The following ADRA1A variants were observed in gnomAD, a reference collection of about 807,000 sequenced individuals.
ADRA1A encodes adrenoceptor alpha 1A.
A neutral mutation model predicts 29.6 loss-of-function variants in ADRA1A; 31 were observed. That is an observed-to-expected ratio of 1.05 (90% CI 0.79 to 1.41). The LOEUF is 1.41. Ranked by LOEUF, ADRA1A falls within the 40% of genes most tolerant of loss-of-function variation. The probability of loss-of-function intolerance (pLI) is 0.00; values close to 1 mark genes in which losing one functional copy is unlikely to be tolerated. For synonymous variants in ADRA1A, 311 were observed against 254.3 expected (o/e 1.22, Z -2.12); for missense variants, 619 against 601.1 (o/e 1.03, Z -0.31).
chr8:26,765,109 G>A (rs1207126556), downstream of ADRA1A, among the ~76,000 whole-genome samples: 2 of 152,166 alleles, frequency 1.3e-5, no homozygotes, highest in African/African-American at 4.8e-5. Flanking sequence ...CAACCATCCT[G>A]CTTTAAGCGA....
At chr8:26,812,629 T>TTTTATTTATTTA (rs142175703) in intron 2 of ADRA1A, among the ~76,000 whole-genome samples, 1 of 147,130 alleles carries the variant, frequency 6.8e-6, no homozygotes, top group Non-Finnish European at 1.5e-5. Flanking sequence ...GCCTTTTTAT[T>TTTTATTTATTTA]TTTATTTATT....
At chr8:26,802,485 T>G (rs945055592) in intron 2 of ADRA1A, among the ~76,000 whole-genome samples, 2 of 152,180 alleles carry the variant, frequency 1.3e-5, no homozygotes, top group Non-Finnish European at 2.9e-5. Context: ...TGCTTAACAT[T>G]ATTTATCATC....
chr8:26,770,048 T>G lies in ADRA1A; in HGVS notation c.*101A>C. 1 of 1,484,386 alleles carries G rather than the reference T, an allele frequency of 6.7e-7. No individual in the cohort carries two copies. The highest frequency in any genetic ancestry group is 8.9e-7 in the Non-Finnish European group (1 of 1,118,544). 92.0% of individuals were successfully genotyped at this position (1,484,386 alleles called of 1,614,324 possible). On this transcript the variant is annotated 3_prime_UTR_variant, in exon 3 of 3. Coordinates refer to ENST00000380573, the MANE Select transcript of ADRA1A (RefSeq NM_000680.4). ...ACCCCATTCCCAGCAGGTCCCCTCT[T>G]TGATTGGTCCTGTCTTGTCCTCCAA...
At chr8:26,751,927 G>A (rs1269021342), downstream of ADRA1A, among the ~76,000 whole-genome samples, 2 of 152,160 alleles carry the variant, frequency 1.3e-5, no homozygotes, top group East Asian at 3.8e-4. Context: ...TGTTGAAGTT[G>A]GCTTGTACAG....
chr8:26,773,719 T>G (rs184811994), intron 2 of ADRA1A, among the ~76,000 whole-genome samples: 68 of 152,352 alleles, frequency 4.5e-4, no homozygotes, highest in African/African-American at 1.6e-3. Flanking sequence ...CTCATTCTGC[T>G]TACAGAACCC....
At chr8:26,803,384 G>C (rs1011031342) in intron 2 of ADRA1A, among the ~76,000 whole-genome samples, 1 of 151,956 alleles carries the variant, frequency 6.6e-6, no homozygotes, top group Non-Finnish European at 1.5e-5. Context: ...AATTAAAAAT[G>C]AAAAAAGATG....
chr8:26,839,467 T>G (rs965711743), intron 2 of ADRA1A, among the ~76,000 whole-genome samples: 3 of 152,100 alleles, frequency 2.0e-5, no homozygotes, highest in South Asian at 4.1e-4. Context: ...CTGAAGAAGT[T>G]TTTTGACTTC....
intron 2 of ADRA1A, among the ~76,000 whole-genome samples, chr8:26,750,623 AT>A (rs1337434441): frequency 6.6e-6 from 1 of 152,218 alleles, no homozygotes; most frequent in Non-Finnish European, 1.5e-5. Flanking sequence ...TAACATATGG[AT>A]TTTGGAGGGA....
At chr8:26,791,214 C>A (rs990898836) in intron 2 of ADRA1A, among the ~76,000 whole-genome samples, 15 of 152,090 alleles carry the variant, frequency 9.9e-5, no homozygotes, top group Admixed American at 5.2e-4. Flanking sequence ...CAAAATTTAT[C>A]TACTTCTGCT....
chr8:26,782,930 C>T (rs955304327), intron 2 of ADRA1A, among the ~76,000 whole-genome samples: 3 of 152,114 alleles, frequency 2.0e-5, no homozygotes, highest in African/African-American at 2.4e-5. Flanking sequence ...CATCCTCAAC[C>T]GTCCACTCTC....
rs1033297124 is a variant in ADRA1A, at chr8:26,821,700, T to C, written c.883+42387A>G. On this transcript the variant is annotated intron_variant, in intron 2 of 2. Coordinates refer to ENST00000380573, the MANE Select transcript of ADRA1A (RefSeq NM_000680.4). This position sits in a 1 kb window ranked among gnomAD's most constrained non-coding sequence, Gnocchi z 5.6. ...ACAGTCAAGATACAGAATAGTTCCA[T>C]CCTGGCAAGGAGCTCTCAAATAGTC... 1.3e-5 allele frequency among the ~76,000 whole-genome samples: 2 copies of C among 152,146 alleles called. No individual in the cohort carries two copies. Among genetic ancestry groups the C allele is most frequent in the African/African-American group, 4.8e-5 (2 of 41,430 alleles).
At chr8:26,811,611 A>G (rs1388177377) in intron 2 of ADRA1A, among the ~76,000 whole-genome samples, 2 of 152,222 alleles carry the variant, frequency 1.3e-5, no homozygotes, top group South Asian at 2.1e-4. Context: ...ATGGGAGCAT[A>G]AAGTTTGAGA....
chr8:26,783,686 T>G (rs1308908217), intron 2 of ADRA1A, among the ~76,000 whole-genome samples: 1 of 152,180 alleles, frequency 6.6e-6, no homozygotes, highest in Non-Finnish European at 1.5e-5. Context: ...TGGGTATATA[T>G]CCAAAGGAAT....
chr8:26,861,950 A>G (rs756848282), intron 2 of ADRA1A, among the ~76,000 whole-genome samples: 1 of 151,886 alleles, frequency 6.6e-6, no homozygotes, highest in Non-Finnish European at 1.5e-5. Context: ...GCCCCCAAAC[A>G]GCCAATTTTC....
rs769878756 is a variant in ADRA1A, at chr8:26,770,260, C to CA, written c.1289dup (p.Leu430PhefsTer15). On this transcript the variant is annotated frameshift_variant, in exon 3 of 3. Transcript: ENST00000380573. LOFTEE classifies it high-confidence loss of function. ...AGGGCCCTACACAGCAGCAGACCTGCAAAAAGCTTTTACTTCTCACCCGGG... is the reference window on the plus strand; with the variant it reads ...AGGGCCCTACACAGCAGCAGACCTGCAAAAAAGCTTTTACTTCTCACCCGGG... The CA allele has an allele frequency of 4.3e-6, 7 of 1,613,898 alleles. No individual in the cohort carries two copies. Among genetic ancestry groups the CA allele is most frequent in the Non-Finnish European group, 5.9e-6 (7 of 1,179,920 alleles).
At chr8:26,770,718 A>G (rs758816984) in intron 2 of ADRA1A, 52 bp from the exon 3 acceptor site, 1 of 1,534,002 alleles carries the variant, frequency 6.5e-7, no homozygotes, top group African/African-American at 1.4e-5. Flanking sequence ...CAGCAAGCCA[A>G]TTGGCTAGGA....
chr8:26,763,997 T>A (rs1805643522), downstream of ADRA1A, among the ~76,000 whole-genome samples: 1 of 152,152 alleles, frequency 6.6e-6, no homozygotes, highest in Non-Finnish European at 1.5e-5. This position sits in a 1 kb window ranked among gnomAD's most constrained non-coding sequence, Gnocchi z 4.5. Context: ...CCCTCCCCCA[T>A]TTATAACAAT....
rs919008263 is a variant in ADRA1A at position 26,768,916 on chromosome 8, A to G, written c.*1233T>C. ...AGGAATAGATGAAGTTGAGTTGACT[A>G]CTGGATCTTTTACCAGAACAAATGG... On this transcript the variant is annotated 3_prime_UTR_variant, in exon 3 of 3. Coordinates refer to ENST00000380573, the MANE Select transcript of ADRA1A (RefSeq NM_000680.4). 2 of 985,354 alleles carry G rather than the reference A, an allele frequency of 2.0e-6. No homozygotes were observed. The highest frequency in any genetic ancestry group is 3.5e-5 in the African/African-American group (2 of 57,246). 61.0% of individuals were successfully genotyped at this position (985,354 alleles called of 1,614,324 possible). A position where few individuals can be genotyped will look rare whatever the true frequency, so the allele number is the denominator to read the frequency against.
At chr8:26,859,597 GTGCT>G (rs914880974) in intron 2 of ADRA1A, among the ~76,000 whole-genome samples, 1 of 152,032 alleles carries the variant, frequency 6.6e-6, no homozygotes, top group Non-Finnish European at 1.5e-5. Context: ...TGAGAGCCTG[GTGCT>G]TATTACATAG....
Sources: gnomAD v4.1 joint callset for allele counts (sites outside exome capture counted in the v4.1 genomes callset) on GRCh38, gnomAD v4.1.1 for gene constraint, Gnocchi (gnomAD v3.1) non-coding constraint, MANE v1.5 for transcripts, NCBI Gene and HGNC (gene_info 2026-07-23, HGNC 2026-07-21) for gene names.